The following CCPG1 variants were observed in gnomAD, a reference collection of about 807,000 sequenced individuals.
CCPG1 encodes the protein cell cycle progression 1.
In CCPG1, 46 loss-of-function variants were observed where a neutral mutation model predicts 81.3. That is an observed-to-expected ratio of 0.57 (90% CI 0.45 to 0.72). The LOEUF is 0.72. CCPG1 is among the 30% of genes least tolerant of loss of function. The pLI is 0.00. For synonymous variants in CCPG1, 330 were observed against 305.2 expected, an observed-to-expected ratio of 1.08 and a Z score of -0.85; for missense variants, 902 against 937.6, an observed-to-expected ratio of 0.96 and a Z score of 0.50.
At chr15:55,374,088 C>G (rs539044098) in intron 5 of CCPG1, 2 of 889,580 alleles carry the variant, frequency 2.2e-6, no homozygotes, top group Non-Finnish European at 3.2e-6. Flanking sequence ...TTAAAGCACT[C>G]GGTAAATAGT....
intron 6 of CCPG1, among the ~76,000 whole-genome samples, chr15:55,366,180 A>G (rs1186973183): frequency 6.6e-6 from 1 of 152,198 alleles, no homozygotes; most frequent in Non-Finnish European, 1.5e-5. Context: ...ACTATATTGA[A>G]GGCACTCAGC....
chr15:55,387,061 T>A (rs1595853614), intron 2 of CCPG1, among the ~76,000 whole-genome samples: 2 of 152,162 alleles, frequency 1.3e-5, no homozygotes, highest in Admixed American at 1.3e-4. Flanking sequence ...CAAATGAGAA[T>A]GGCAGTAATG....
intron 5 of CCPG1, chr15:55,373,127 C>G (rs944098677): frequency 1.4e-5 from 6 of 443,170 alleles, no homozygotes; most frequent in Non-Finnish European, 2.7e-5. Flanking sequence ...CAAGAAATCC[C>G]AAGTCCAGGA....
intron 3 of CCPG1, among the ~76,000 whole-genome samples, chr15:55,383,156 T>C (rs986392411): frequency 6.6e-6 from 1 of 152,226 alleles, no homozygotes; most frequent in Non-Finnish European, 1.5e-5. Context: ...GATGTTGTGT[T>C]AGCAGGAAAC....
At chr15:55,374,867 G>A (rs1324331823) in intron 5 of CCPG1, among the ~76,000 whole-genome samples, 1 of 152,170 alleles carries the variant, frequency 6.6e-6, no homozygotes, top group Non-Finnish European at 1.5e-5. Context: ...TTTTTGCCGT[G>A]TTGGTCAGGC....
intron 6 of CCPG1, among the ~76,000 whole-genome samples, chr15:55,366,555 TG>T (rs1318658450): frequency 1.3e-5 from 2 of 152,142 alleles, no homozygotes; most frequent in Non-Finnish European, 2.9e-5. Context: ...ATGGATCACC[TG>T]AGGTCAGGAG....
chr15:55,403,835 T>C (rs1240774576), intron 1 of CCPG1, among the ~76,000 whole-genome samples: 1 of 152,242 alleles, frequency 6.6e-6, no homozygotes, highest in African/African-American at 2.4e-5. Flanking sequence ...TAGATGAGTC[T>C]GCATTTTTTG....
intron 8 of CCPG1, chr15:55,357,537 A>G (rs1045316185): frequency 1.5e-5 from 9 of 589,174 alleles, no homozygotes; most frequent in Non-Finnish European, 1.7e-5. Context: ...AATGTTAAAT[A>G]GAAAATTTCA....
At chr15:55,358,800 A>T in intron 8 of CCPG1, 1 of 983,348 alleles carries the variant, frequency 1.0e-6, no homozygotes, top group Non-Finnish European at 1.2e-6. Context: ...ATAGGACTAG[A>T]TACCAGCTTA....
intron 1 of CCPG1, among the ~76,000 whole-genome samples, chr15:55,391,887 A>AAAG (rs1555409781): frequency 2.7e-4 from 12 of 44,740 alleles, no homozygotes; most frequent in South Asian, 1.4e-3. Flanking sequence ...AAAAAAAAAA[A>AAAG]GGGGGGGGGG....
intron 6 of CCPG1, among the ~76,000 whole-genome samples, chr15:55,370,591 G>C (rs908162908): frequency 6.6e-6 from 1 of 152,068 alleles, no homozygotes; most frequent in Non-Finnish European, 1.5e-5. Flanking sequence ...AAGAGTTCAA[G>C]ACTGGCTGGG....
Position 55,385,234 on chromosome 15 carries a change from C to T in CCPG1, c.175+366G>A, listed in dbSNP as rs573458247. Among the ~76,000 whole-genome samples the T allele has an allele frequency of 3.3e-5, 5 of 152,292 alleles. No individual in the cohort carries two copies. In the East Asian group the frequency reaches 5.8e-4, roughly 18 times the overall value. ...AGGCTGGAGTGCAATGGCACAATCT[C>T]GGCTCACTGCAAACTCCGCCTCCCA... On this transcript the variant is annotated intron_variant, in intron 3 of 8. Coordinates refer to ENST00000442196, the MANE Select transcript of CCPG1 (RefSeq NM_001204450.2).
chr15:55,385,727 G>A lies in CCPG1; in HGVS notation c.61-13C>T. The A allele has an allele frequency of 1.4e-6, 2 of 1,435,134 alleles. No homozygotes were observed. Among genetic ancestry groups the A allele is most frequent in the African/African-American group, 2.8e-5 (2 of 71,584 alleles). 88.9% of individuals were successfully genotyped at this position (1,435,134 alleles called of 1,614,324 possible). On this transcript the variant is annotated splice_polypyrimidine_tract_variant and intron_variant, in intron 2 of 8. Transcript: ENST00000442196. ...CTATATCTGACCCCTAAGGAAAAGT[G>A]ATAATCTTTCAGTTATTTGCCTATT... is the stretch of plus-strand genomic sequence containing the variant.
chr15:55,365,112 A>G, intron 7 of CCPG1, 76 bp downstream of exon 7: 1 of 835,522 alleles, frequency 1.2e-6, no homozygotes, highest in Non-Finnish European at 1.9e-6. Context: ...AATCTGCACT[A>G]ATAAGCACAA....
At chr15:55,356,634 G>A in intron 8 of CCPG1, 1 of 1,225,220 alleles carries the variant, frequency 8.2e-7, no homozygotes, top group Non-Finnish European at 1.0e-6. Context: ...GGCAAAAAAG[G>A]GAAACACTCA....
chr15:55,383,683 G>A (rs771752826), intron 3 of CCPG1, among the ~76,000 whole-genome samples: 1 of 152,196 alleles, frequency 6.6e-6, no homozygotes, highest in African/African-American at 2.4e-5. Flanking sequence ...ACTTCACCTT[G>A]CACTTTTATG....
intron 8 of CCPG1, chr15:55,358,797 T>A (rs2056133220): frequency 1.0e-6 from 1 of 983,852 alleles, no homozygotes; most frequent in African/African-American, 1.7e-5. Flanking sequence ...ATTATAGGAC[T>A]AGATACCAGC....
chr15:55,374,176 G>A (rs2056510850), intron 5 of CCPG1: 1 of 1,288,898 alleles, frequency 7.8e-7, no homozygotes, highest in African/African-American at 1.5e-5. Context: ...AGTTGGCTAG[G>A]AACATGGTGT....
At chr15:55,379,357 T>C (rs1424826967) in intron 3 of CCPG1, among the ~76,000 whole-genome samples, 1 of 151,780 alleles carries the variant, frequency 6.6e-6, no homozygotes, top group Non-Finnish European at 1.5e-5. Context: ...ACCCTGTCTC[T>C]ACAAAAATAA....
Sources: gnomAD v4.1 joint callset for allele counts (sites outside exome capture counted in the v4.1 genomes callset) on GRCh38, gnomAD v4.1.1 for gene constraint, MANE v1.5 for transcripts, NCBI Gene and HGNC (gene_info 2026-07-23, HGNC 2026-07-21) for gene names.